The following UNC79 variants were observed in gnomAD, a reference collection of about 807,000 sequenced individuals.
UNC79 encodes the protein protein unc-79 homolog.
Under a neutral mutation model 283.1 loss-of-function variants are expected in UNC79, and 37 were observed. The ratio of observed to expected loss-of-function variants is 0.13; its 90% CI spans 0.10 to 0.17. The LOEUF (loss-of-function observed/expected upper bound fraction) is 0.17, where lower values mean the gene tolerates loss of function less well. Ranked by LOEUF, UNC79 falls within the 10% of genes least tolerant of loss-of-function variation. The pLI, the probability that UNC79 is intolerant of heterozygous loss-of-function variation, is 1.00. For synonymous variants in UNC79, 1,107 were observed against 1,200.2 expected, an observed-to-expected ratio of 0.92 and a Z score of 1.61; for missense variants, 2,272 against 3,211.1, an observed-to-expected ratio of 0.71 and a Z score of 7.07.
chr14:93,587,380 A>G (rs2064296387), intron 22 of UNC79, among the ~76,000 whole-genome samples: 1 of 152,202 alleles, frequency 6.6e-6, no homozygotes, highest in South Asian at 2.1e-4. Context: ...CTAGATTTAC[A>G]GCGTTTTTCC....
At chr14:93,402,929 G>A (rs1483242878) in intron 1 of UNC79, among the ~76,000 whole-genome samples, 1 of 152,158 alleles carries the variant, frequency 6.6e-6, no homozygotes, top group East Asian at 1.9e-4. Context: ...AGGTGGTTGA[G>A]GCACAGCTTG....
At chr14:93,424,920 A>G (rs2055690596) in intron 1 of UNC79, among the ~76,000 whole-genome samples, 1 of 152,202 alleles carries the variant, frequency 6.6e-6, no homozygotes, top group Admixed American at 6.5e-5. Context: ...TACACCATTT[A>G]CCCTGATGTG....
At chr14:93,353,681 C>G (rs1181004613) in intron 1 of UNC79, among the ~76,000 whole-genome samples, 1 of 152,202 alleles carries the variant, frequency 6.6e-6, no homozygotes, top group Admixed American at 6.5e-5. Context: ...AAAATCCAAA[C>G]CTGAAACCTT....
At chr14:93,482,651 A>G (rs923394948) in intron 4 of UNC79, among the ~76,000 whole-genome samples, 7 of 152,080 alleles carry the variant, frequency 4.6e-5, no homozygotes, top group African/African-American at 1.7e-4. Context: ...TGTCTCCTTT[A>G]CCTTCACCCT....
At chr14:93,387,059 C>A (rs1447289123) in intron 1 of UNC79, among the ~76,000 whole-genome samples, 1 of 149,790 alleles carries the variant, frequency 6.7e-6, no homozygotes, top group Admixed American at 6.7e-5. Flanking sequence ...TCTCCTGTCT[C>A]AGCCTCCCAA....
Position 93,432,130 on chromosome 14 carries a change from G to A in UNC79, c.22+1079G>A, listed in dbSNP as rs75175295. ...TTCTTTGGAATGGCTACTAAAGCCG[G>A]TTTTTGAGACACACAAAACAGTAGT... On this transcript the variant is annotated intron_variant, in intron 1 of 48. Coordinates refer to ENST00000555664, the Ensembl canonical transcript of UNC79. Among the ~76,000 whole-genome samples the A allele has an allele frequency of 8.3e-3, 1,257 of 152,246 alleles. 18 individuals are homozygous for A. The highest frequency in any genetic ancestry group is 0.029 in the African/African-American group (1,202 of 41,536).
intron 34 of UNC79, among the ~76,000 whole-genome samples, chr14:93,645,830 A>G (rs2069538249): frequency 6.6e-6 from 1 of 152,124 alleles, no homozygotes. Flanking sequence ...AAACAACACA[A>G]CTGGGAATGG....
At chr14:93,560,919 G>A (rs1214870413) in intron 14 of UNC79, among the ~76,000 whole-genome samples, 3 of 152,158 alleles carry the variant, frequency 2.0e-5, no homozygotes, top group African/African-American at 7.2e-5. Context: ...GATTTTCATG[G>A]TGTATGAGAA....
chr14:93,688,944 C>T lies in UNC79; in HGVS notation c.7085+104C>T. On this transcript the variant is annotated intron_variant, in intron 44 of 48. Coordinates refer to ENST00000555664, the Ensembl canonical transcript of UNC79. The surrounding 1 kb of genome is among the most constrained non-coding windows in gnomAD (Gnocchi z 4.0). ...TAAGGAGTACACCGAAGATTTATGA[C>T]AGTGGAATATACTTGGTTAGGAAGA... The T allele has an allele frequency of 7.9e-7, 1 of 1,262,400 alleles. No individual in the cohort carries two copies. Among genetic ancestry groups the T allele is most frequent in the South Asian group, 1.6e-5 (1 of 60,632 alleles). The allele number at this position is 1,262,400 out of a possible 1,614,324, so 78.2% of individuals were successfully genotyped here. A position where few individuals can be genotyped will look rare whatever the true frequency, so the allele number is the denominator to read the frequency against.
chr14:93,398,448 A>G (rs1379365003), intron 1 of UNC79, among the ~76,000 whole-genome samples: 1 of 152,224 alleles, frequency 6.6e-6, no homozygotes, highest in Non-Finnish European at 1.5e-5. Flanking sequence ...AGAAGACTAT[A>G]TAGAGGAATT....
intron 3 of UNC79, among the ~76,000 whole-genome samples, chr14:93,476,749 G>T (rs2057821384): frequency 6.6e-6 from 1 of 152,190 alleles, no homozygotes. Context: ...TACATTTAGT[G>T]TAATGGGATT....
At chr14:93,351,105 A>G (rs1271014784) in intron 1 of UNC79, among the ~76,000 whole-genome samples, 3 of 152,214 alleles carry the variant, frequency 2.0e-5, no homozygotes, top group Non-Finnish European at 4.4e-5. Flanking sequence ...GATAAAGCCC[A>G]TTTATGGGCT....
At chr14:93,648,915 G>A (rs1566853998) in intron 35 of UNC79, among the ~76,000 whole-genome samples, 1 of 152,136 alleles carries the variant, frequency 6.6e-6, no homozygotes, top group Non-Finnish European at 1.5e-5. Flanking sequence ...CTTTCTTCTA[G>A]CAGCAGTGGG....
exon 33 of UNC79, chr14:93,641,213 T>A (rs761629655): frequency 6.2e-7 from 1 of 1,613,308 alleles, no homozygotes; most frequent in South Asian, 1.1e-5. Flanking sequence ...ACCTGAAGAG[T>A]TCACTGACGA....
chr14:93,386,394 G>A (rs1184805464), intron 1 of UNC79, among the ~76,000 whole-genome samples: 2 of 152,056 alleles, frequency 1.3e-5, no homozygotes, highest in African/African-American at 4.8e-5. Flanking sequence ...TGAGATTTTT[G>A]CATCAATATG....
exon 29 of UNC79, chr14:93,618,234 C>T: frequency 6.2e-7 from 1 of 1,613,914 alleles, no homozygotes; most frequent in Non-Finnish European, 8.5e-7. Flanking sequence ...CCTGCTGCAT[C>T]TGATTCACAT....
chr14:93,363,872 C>T (rs985863415), intron 1 of UNC79, among the ~76,000 whole-genome samples: 1 of 152,084 alleles, frequency 6.6e-6, no homozygotes, highest in Non-Finnish European at 1.5e-5. Flanking sequence ...GCGCCTGCCA[C>T]CACACCCAGC....
intron 26 of UNC79, among the ~76,000 whole-genome samples, chr14:93,611,497 C>G (rs2066299531): frequency 1.3e-5 from 2 of 152,164 alleles, no homozygotes; most frequent in Admixed American, 6.5e-5. Context: ...CCTTCATGCT[C>G]CTATCCCAGA....
At chr14:93,558,424 C>T (rs1400366584) in intron 14 of UNC79, among the ~76,000 whole-genome samples, 1 of 151,962 alleles carries the variant, frequency 6.6e-6, no homozygotes, top group Admixed American at 6.5e-5. Context: ...GGTGCGGTGG[C>T]GGGTGCCTGT....
Sources: gnomAD v4.1 joint callset for allele counts (sites outside exome capture counted in the v4.1 genomes callset) on GRCh38, gnomAD v4.1.1 for gene constraint, Gnocchi (gnomAD v3.1) non-coding constraint, MANE v1.5 for transcripts, NCBI Gene and HGNC (gene_info 2026-07-23, HGNC 2026-07-21) for gene names.